MAPKAP1: variants seen among roughly 807,000 people sequenced by gnomAD.
MAPKAP1 encodes MAPK associated protein 1.
In MAPKAP1, 20 loss-of-function variants were observed where a neutral mutation model predicts 65.7. That is an observed-to-expected ratio of 0.30 (90% confidence interval 0.21 to 0.44). The LOEUF (loss-of-function observed/expected upper bound fraction) is 0.44, where lower values mean the gene tolerates loss of function less well. Among genes scored for constraint, MAPKAP1 ranks in the 20% least tolerant of loss-of-function variants. The probability of loss-of-function intolerance (pLI) is 1.00; values close to 1 mark genes in which losing one functional copy is unlikely to be tolerated. For missense variants in MAPKAP1, 423 were observed against 648.0 expected, an observed-to-expected ratio of 0.65 and a Z score of 3.77; for synonymous variants, 222 against 244.3, an observed-to-expected ratio of 0.91 and a Z score of 0.85.
At chr9:125,625,464 C>G (rs1223117803) in intron 4 of MAPKAP1, among the ~76,000 whole-genome samples, 3 of 152,030 alleles carry the variant, frequency 2.0e-5, no homozygotes, top group Admixed American at 1.3e-4. Context: ...CAGCAGCTGG[C>G]TTTTTATAAG....
At chr9:125,440,946 C>T (rs764690217) in intron 11 of MAPKAP1, among the ~76,000 whole-genome samples, 3 of 152,326 alleles carry the variant, frequency 2.0e-5, no homozygotes, top group Non-Finnish European at 4.4e-5. Context: ...TGATCCTTAA[C>T]AAGCCAACTA....
chr9:125,582,397 C>T (rs1461611485), intron 5 of MAPKAP1, among the ~76,000 whole-genome samples: 1 of 152,166 alleles, frequency 6.6e-6, no homozygotes, highest in East Asian at 1.9e-4. Flanking sequence ...TACTAGCTAT[C>T]CTCGTGTGCT....
chr9:125,482,558 GT>G (rs759189308), intron 9 of MAPKAP1, among the ~76,000 whole-genome samples: 1 of 152,144 alleles, frequency 6.6e-6, no homozygotes, highest in Non-Finnish European at 1.5e-5. Flanking sequence ...GATATTTAAG[GT>G]TTTTATGAGG....
chr9:125,611,218 C>T (rs1832591461), intron 4 of MAPKAP1, among the ~76,000 whole-genome samples: 1 of 152,110 alleles, frequency 6.6e-6, no homozygotes, highest in African/African-American at 2.4e-5. Flanking sequence ...CTACACTTTT[C>T]GTAATAGTTT....
intron 4 of MAPKAP1, chr9:125,596,698 A>G (rs1349443520): frequency 3.5e-5 from 19 of 535,382 alleles, no homozygotes; most frequent in Non-Finnish European, 6.5e-5. Flanking sequence ...ACAGGTTACA[A>G]CAGATTTGTG....
At position 125,601,393 on chromosome 9, in the gene MAPKAP1, A is replaced by G. The variant is rs774591460; in HGVS notation, c.499-15666T>C. On this transcript the variant is annotated intron_variant, in intron 4 of 11. Transcript: ENST00000265960. ...AATTTTAAACGTCACTATTCACATT[A>G]AAATTGTTTCCTTAATTTTAAATAG... Among the ~76,000 whole-genome samples, 4 of 152,228 alleles carry G rather than the reference A, an allele frequency of 2.6e-5. 1 individual carries two copies. The highest frequency in any genetic ancestry group is 5.9e-5 in the Non-Finnish European group (4 of 68,044).
intron 4 of MAPKAP1, among the ~76,000 whole-genome samples, chr9:125,615,209 CTATATA>C (rs569946098): frequency 6.6e-6 from 1 of 151,004 alleles, no homozygotes; most frequent in South Asian, 2.1e-4. Context: ...CAATGACAAA[CTATATA>C]TATATATGAC....
chr9:125,638,908 C>G (rs1833499127), intron 4 of MAPKAP1, among the ~76,000 whole-genome samples: 1 of 152,230 alleles, frequency 6.6e-6, no homozygotes, highest in African/African-American at 2.4e-5. Flanking sequence ...ACTTAAAAAT[C>G]TGGCTGAGAA....
At chr9:125,573,105 G>T (rs1368794854) in intron 5 of MAPKAP1, 2 of 146,044 alleles carry the variant, frequency 1.4e-5, no homozygotes, top group African/African-American at 2.5e-5. Flanking sequence ...AAAGGGGGGG[G>T]GGGGGGGACA....
chr9:125,701,524 T>A (rs1588091727), intron 1 of MAPKAP1, among the ~76,000 whole-genome samples: 1 of 152,184 alleles, frequency 6.6e-6, no homozygotes, highest in Non-Finnish European at 1.5e-5. Context: ...TCACTGGCTG[T>A]TAGTGGTATC....
chr9:125,525,706 C>CAAACA (rs1564542544), intron 7 of MAPKAP1, among the ~76,000 whole-genome samples: 96 of 100,936 alleles, frequency 9.5e-4, no homozygotes, highest in South Asian at 4.0e-3. Flanking sequence ...CAAAAACAAA[C>CAAACA]AAAAAAAAAA....
intron 7 of MAPKAP1, among the ~76,000 whole-genome samples, chr9:125,541,351 T>C (rs149585010): frequency 1.2e-4 from 18 of 152,334 alleles, no homozygotes; most frequent in Middle Eastern, 3.4e-3. Flanking sequence ...TTTCATGGTC[T>C]GAAAAATCTG....
intron 4 of MAPKAP1, among the ~76,000 whole-genome samples, chr9:125,625,250 A>G: frequency 2.1e-5 from 1 of 47,856 alleles, no homozygotes; most frequent in Admixed American, 2.5e-4. Flanking sequence ...AAAAAAATAA[A>G]TAAATAAAAA....
intron 7 of MAPKAP1, among the ~76,000 whole-genome samples, chr9:125,534,076 T>C (rs371886138): frequency 1.3e-5 from 2 of 152,342 alleles, no homozygotes; most frequent in African/African-American, 4.8e-5. Context: ...TTAACACATA[T>C]GTATTTTTCA....
Position 125,622,886 on chromosome 9 carries a change from C to T in MAPKAP1, c.498+34765G>A, listed in dbSNP as rs146578418. Among the ~76,000 whole-genome samples the T allele has an allele frequency of 5.2e-3, 798 of 152,316 alleles. 7 individuals carry two copies. The highest frequency in any genetic ancestry group is 0.018 in the African/African-American group (751 of 41,568). On this transcript the variant is annotated intron_variant, in intron 4 of 11. Transcript: ENST00000265960. ...AAGCTGGACTGTACTGCTGCCATCT[C>T]GGCTCACTGCAACCTCCCTGCCTGA...
intron 4 of MAPKAP1, among the ~76,000 whole-genome samples, chr9:125,588,648 G>GT (rs1277328004): frequency 1.3e-5 from 2 of 152,142 alleles, no homozygotes; most frequent in Admixed American, 6.5e-5. Context: ...CTGAACTATT[G>GT]TAACAGTTCC....
intron 4 of MAPKAP1, among the ~76,000 whole-genome samples, chr9:125,594,608 A>G (rs574486795): frequency 6.6e-6 from 1 of 152,340 alleles, no homozygotes; most frequent in East Asian, 1.9e-4. Context: ...AAGGTAGAAG[A>G]CGAAATAAAT....
intron 4 of MAPKAP1, among the ~76,000 whole-genome samples, chr9:125,655,066 A>G (rs916142023): frequency 6.6e-6 from 1 of 152,076 alleles, no homozygotes; most frequent in Admixed American, 6.5e-5. Context: ...TTGGAGGGGG[A>G]AAAAAACTGT....
intron 1 of MAPKAP1, among the ~76,000 whole-genome samples, chr9:125,682,994 T>C (rs568059864): frequency 6.6e-6 from 1 of 151,642 alleles, no homozygotes; most frequent in South Asian, 2.1e-4. Context: ...GTTTTGCTCT[T>C]GTTGCCCAGG....
Sources: gnomAD v4.1 joint callset for allele counts (sites outside exome capture counted in the v4.1 genomes callset) on GRCh38, gnomAD v4.1.1 for gene constraint, MANE v1.5 for transcripts, NCBI Gene and HGNC (gene_info 2026-07-23, HGNC 2026-07-21) for gene names.